ENOX1: variants seen among roughly 807,000 people sequenced by gnomAD.
ENOX1 encodes the protein ecto-NOX disulfide-thiol exchanger 1, also known as candidate growth-related and time keeping constitutive hydroquinone (NADH) oxidase.
In ENOX1, 42 loss-of-function variants were observed where a neutral mutation model predicts 82.5. That is an observed-to-expected ratio of 0.51 (90% CI 0.40 to 0.66). The LOEUF (loss-of-function observed/expected upper bound fraction) is 0.66, where lower values mean the gene tolerates loss of function less well. Among genes scored for constraint, ENOX1 ranks in the 30% least tolerant of loss-of-function variants. The pLI, the probability that ENOX1 is intolerant of heterozygous loss-of-function variation, is 0.00. For synonymous variants in ENOX1, 271 were observed against 282.2 expected (o/e 0.96, Z 0.40); for missense variants, 608 against 811.6 (o/e 0.75, Z 3.05).
intron 5 of ENOX1, among the ~76,000 whole-genome samples, chr13:43,404,083 C>T (rs907603182): frequency 1.3e-5 from 2 of 152,054 alleles, no homozygotes; most frequent in South Asian, 4.2e-4. Flanking sequence ...ACAAACCCAG[C>T]CTCCCTCCCC....
At position 43,355,970 on chromosome 13, in the gene ENOX1, T is replaced by C. The variant is rs1435298977; in HGVS notation, c.772A>G (p.Ile258Val). The C allele has an allele frequency of 6.2e-7, 1 of 1,613,916 alleles. No individual in the cohort carries two copies. Among genetic ancestry groups the C allele is most frequent in the South Asian group, 1.1e-5 (1 of 91,072 alleles). ...DRLRPPSPPA[I>V]MHYSEHEAAL... ...GCTTCGTGCTCCGAGTAGTGCATTA[T>C]GGCAGGCGGGGATGGGGGCCTGAGC... The change falls in exon 8 of 17, where the codon ATA becomes GTA. Residue 258 changes from isoleucine (I) to valine (V), a missense_variant. Transcript: ENST00000690772.
intron 2 of ENOX1, among the ~76,000 whole-genome samples, chr13:43,632,685 G>T (rs2153751489): frequency 6.6e-6 from 1 of 152,252 alleles, no homozygotes; most frequent in South Asian, 2.1e-4. Context: ...GACCTCAGGT[G>T]ATCCACCTGC....
chr13:43,544,368 T>C (rs1325654999), intron 2 of ENOX1: 1 of 152,196 alleles, frequency 6.6e-6, no homozygotes, highest in Non-Finnish European at 1.5e-5. Context: ...CTGACCAAAG[T>C]TAGGCACTCA....
chr13:43,470,320 A>ATATATATGTATATATACGTATATATATG (rs2057967424), intron 3 of ENOX1, among the ~76,000 whole-genome samples: 1 of 43,524 alleles, frequency 2.3e-5, no homozygotes, highest in African/African-American at 6.9e-5. Flanking sequence ...ATATATACAC[A>ATATATATGTATATATACGTATATATATG]TATATATATG....
intron 3 of ENOX1, among the ~76,000 whole-genome samples, chr13:43,439,265 C>T (rs1432307630): frequency 4.0e-5 from 6 of 150,952 alleles, no homozygotes; most frequent in Non-Finnish European, 7.4e-5. Flanking sequence ...CGGAGTCTCA[C>T]TCTGTCACCC....
chr13:43,571,349 G>A (rs926590726), intron 2 of ENOX1, among the ~76,000 whole-genome samples: 7 of 152,136 alleles, frequency 4.6e-5, no homozygotes, highest in African/African-American at 1.2e-4. Context: ...GTGAACTCAA[G>A]GTGGGAATCG....
At chr13:43,383,693 C>T (rs1288398834) in intron 5 of ENOX1, among the ~76,000 whole-genome samples, 4 of 152,208 alleles carry the variant, frequency 2.6e-5, no homozygotes, top group African/African-American at 9.7e-5. Context: ...GCTGCAATTA[C>T]AGAAAGGATT....
In ENOX1 at chr13:43,406,613, C is replaced by T. The variant is rs1382800616; in HGVS notation, c.208+5303G>A. Among the ~76,000 whole-genome samples, 7 of 151,798 alleles carry T rather than the reference C, an allele frequency of 4.6e-5. No individual in the cohort carries two copies. The East Asian group carries it at 1.4e-3, about 29-fold the overall frequency. ...GTTCACGCCATTCTCCTGCCTCAGC[C>T]TCCCGAGTAGCTGGGACTACAGGTG... On this transcript the variant is annotated intron_variant, in intron 5 of 16. Coordinates refer to ENST00000690772, the MANE Select transcript of ENOX1 (RefSeq NM_001347969.2).
At chr13:43,765,740 CA>C (rs1951223049) in intron 1 of ENOX1, among the ~76,000 whole-genome samples, 1 of 152,158 alleles carries the variant, frequency 6.6e-6, no homozygotes, top group Non-Finnish European at 1.5e-5. Flanking sequence ...TCAATTTCAT[CA>C]CCTTTATAAC....
chr13:43,551,029 T>C (rs908369087), intron 2 of ENOX1, among the ~76,000 whole-genome samples: 1 of 152,206 alleles, frequency 6.6e-6, no homozygotes, highest in African/African-American at 2.4e-5. Flanking sequence ...AATATTATCA[T>C]ATCCAAGAGA....
chr13:43,603,428 A>C (rs928612730), intron 2 of ENOX1, among the ~76,000 whole-genome samples: 1 of 151,556 alleles, frequency 6.6e-6, no homozygotes, highest in Non-Finnish European at 1.5e-5. Context: ...GGATACATGT[A>C]CACAATGTGC....
intron 1 of ENOX1, among the ~76,000 whole-genome samples, chr13:43,774,814 C>T (rs1440710009): frequency 3.3e-5 from 5 of 152,202 alleles, no homozygotes; most frequent in Non-Finnish European, 7.3e-5. Flanking sequence ...AACACATTTA[C>T]CATCCATGCC....
intron 1 of ENOX1, among the ~76,000 whole-genome samples, chr13:43,768,190 T>C (rs1179253080): frequency 1.3e-5 from 2 of 152,240 alleles, no homozygotes; most frequent in Admixed American, 6.5e-5. Flanking sequence ...TTTTGATTAC[T>C]GTTTAATTGT....
intron 6 of ENOX1, among the ~76,000 whole-genome samples, chr13:43,360,631 T>C (rs1232441675): frequency 1.3e-5 from 2 of 151,482 alleles, no homozygotes; most frequent in Admixed American, 1.3e-4. Context: ...CACAATATTT[T>C]ACCTAGTTTA....
intron 11 of ENOX1, among the ~76,000 whole-genome samples, chr13:43,314,351 A>G (rs2047366119): frequency 6.6e-6 from 1 of 152,210 alleles, no homozygotes; most frequent in East Asian, 1.9e-4. Context: ...GGAAGGAAGT[A>G]CTTACTTTTT....
chr13:43,682,303 C>T (rs943998913), intron 1 of ENOX1, among the ~76,000 whole-genome samples: 4 of 152,030 alleles, frequency 2.6e-5, no homozygotes, highest in African/African-American at 9.7e-5. Flanking sequence ...AAGGTTTTGG[C>T]AGTCTTCTCA....
rs1457149422 is a variant in ENOX1, at chr13:43,616,204, A to ATATATATATATATTTTT, written c.-219+51274_-219+51275insAAAAATATATATATATA. Among the ~76,000 whole-genome samples the ATATATATATATATTTTT allele has an allele frequency of 2.2e-3, 33 of 15,306 alleles. 1 individual carries two copies. The highest frequency in any genetic ancestry group is 5.8e-3 in the Non-Finnish European group (28 of 4,794). The allele number at this position is 15,306 out of a possible 152,430, so 10.0% of individuals were successfully genotyped here. A position where few individuals can be genotyped will look rare whatever the true frequency, so the allele number is the denominator to read the frequency against. ...TATCTATCTATATATATATATATAT[A>ATATATATATATATTTTT]TTTTTTTTTTTTTTTTAGGACGGAG... is the stretch of plus-strand genomic sequence containing the variant. On this transcript the variant is annotated intron_variant, in intron 2 of 16. Coordinates refer to ENST00000690772, the MANE Select transcript of ENOX1 (RefSeq NM_001347969.2).
chr13:43,353,728 C>CA (rs1323775653), intron 8 of ENOX1, among the ~76,000 whole-genome samples: 2 of 152,216 alleles, frequency 1.3e-5, no homozygotes, highest in Non-Finnish European at 2.9e-5. Context: ...GATGTATCCC[C>CA]AGCTAGTTCA....
At chr13:43,267,354 C>T (rs1335223715) in intron 13 of ENOX1, among the ~76,000 whole-genome samples, 1 of 152,232 alleles carries the variant, frequency 6.6e-6, no homozygotes, top group African/African-American at 2.4e-5. Flanking sequence ...AGAAAAGCTG[C>T]ATCTTCGCAA....
Sources: gnomAD v4.1 joint callset for allele counts (sites outside exome capture counted in the v4.1 genomes callset) on GRCh38, gnomAD v4.1.1 for gene constraint, MANE v1.5 for transcripts, NCBI Gene and HGNC (gene_info 2026-07-23, HGNC 2026-07-21) for gene names.